Variants in CA10 observed in about 807,000 individuals in gnomAD.
CA10 encodes carbonic anhydrase 10 (inactive), also known as carbonic anhydrase-related protein 10.
CA10 carries 14 observed loss-of-function variants against 44.2 expected under a neutral mutation model. That is an observed-to-expected ratio of 0.32 (90% CI 0.21 to 0.50). CA10 has a LOEUF of 0.50. Among genes scored for constraint, CA10 ranks in the 20% least tolerant of loss-of-function variants. The pLI is 0.99. For synonymous variants in CA10, 159 were observed against 141.6 expected, an observed-to-expected ratio of 1.12 and a Z score of -0.87; for missense variants, 350 against 409.7, an observed-to-expected ratio of 0.85 and a Z score of 1.26.
intron 2 of CA10, among the ~76,000 whole-genome samples, chr17:52,024,238 G>A (rs928274185): frequency 2.6e-5 from 4 of 152,024 alleles, no homozygotes; most frequent in Non-Finnish European, 4.4e-5. Flanking sequence ...GAACATCCCC[G>A]TTTGAGGTGA....
In CA10 at chr17:51,630,608, C is replaced by G. The variant is rs918979376; in HGVS notation, c.*976G>C. ...GCCATGGAGTGGAATTAAAGTCATA[C>G]TTGCTTAGCAAATGCATTCCTGATT... On this transcript the variant is annotated 3_prime_UTR_variant, in exon 9 of 9. Transcript: ENST00000451037. 1.1e-4 allele frequency: 17 copies of G among 152,750 alleles called. No homozygotes were observed. Among genetic ancestry groups the G allele is most frequent in the African/African-American group, 3.8e-4 (16 of 41,588 alleles). 9.5% of individuals were successfully genotyped at this position (152,750 alleles called of 1,614,324 possible). A position where few individuals can be genotyped will look rare whatever the true frequency, so the allele number is the denominator to read the frequency against.
intron 4 of CA10, among the ~76,000 whole-genome samples, chr17:51,709,052 C>T (rs1283045658): frequency 6.6e-6 from 1 of 152,234 alleles, no homozygotes; most frequent in Non-Finnish European, 1.5e-5. Context: ...CATATATACA[C>T]CTATCCTATT....
At chr17:52,081,326 A>G (rs573353977) in intron 1 of CA10, among the ~76,000 whole-genome samples, 5 of 152,312 alleles carry the variant, frequency 3.3e-5, no homozygotes, top group African/African-American at 9.6e-5. Context: ...AAAGACTGAA[A>G]GTTGGCAGAA....
At chr17:51,700,205 T>G (rs1915545753) in intron 4 of CA10, among the ~76,000 whole-genome samples, 1 of 152,214 alleles carries the variant, frequency 6.6e-6, no homozygotes, top group African/African-American at 2.4e-5. Flanking sequence ...TTAGCCGGGT[T>G]GCTGCAGTGG....
chr17:52,153,242 A>G (rs1774603346), intron 1 of CA10, among the ~76,000 whole-genome samples: 1 of 152,204 alleles, frequency 6.6e-6, no homozygotes, highest in African/African-American at 2.4e-5. Flanking sequence ...TAACTGGGCT[A>G]TATGACATCA....
intron 3 of CA10, among the ~76,000 whole-genome samples, chr17:51,801,098 TTCAAGCATCTTCTCTC>T (rs1906908028): frequency 6.6e-6 from 1 of 152,206 alleles, no homozygotes; most frequent in African/African-American, 2.4e-5. Context: ...TCCCAAACCC[TTCAAGCATCTTCTCTC>T]TCTCCTATGA....
At chr17:51,728,273 T>C (rs1442304324) in intron 4 of CA10, among the ~76,000 whole-genome samples, 3 of 152,152 alleles carry the variant, frequency 2.0e-5, no homozygotes, top group Non-Finnish European at 4.4e-5. Context: ...CTTTCATCCA[T>C]CTTCCCTTAA....
At chr17:51,959,960 C>T (rs1983825385) in intron 2 of CA10, among the ~76,000 whole-genome samples, 1 of 151,744 alleles carries the variant, frequency 6.6e-6, no homozygotes, top group South Asian at 2.1e-4. Context: ...CATCAATCCC[C>T]AAGGTGACCC....
intron 2 of CA10, among the ~76,000 whole-genome samples, chr17:52,051,060 G>A (rs772427920): frequency 2.7e-5 from 4 of 150,274 alleles, no homozygotes; most frequent in Non-Finnish European, 5.9e-5. Flanking sequence ...GGAGGGAGGG[G>A]AAAAATGAAG....
intron 4 of CA10, among the ~76,000 whole-genome samples, chr17:51,690,218 G>A (rs968271743): frequency 2.2e-4 from 33 of 152,296 alleles, no homozygotes; most frequent in African/African-American, 7.9e-4. Flanking sequence ...AAAGTGCTGG[G>A]ATTACAGGCG....
intron 3 of CA10, among the ~76,000 whole-genome samples, chr17:51,804,598 A>G (rs966484072): frequency 1.3e-5 from 2 of 152,178 alleles, no homozygotes; most frequent in Non-Finnish European, 2.9e-5. Flanking sequence ...GTCTTCACTA[A>G]GACTCTGCCT....
chr17:51,727,060 C>T lies in CA10; in HGVS notation c.465+20573G>A, dbSNP rs574567743. On this transcript the variant is annotated intron_variant, in intron 4 of 8. Coordinates refer to ENST00000451037, the MANE Select transcript of CA10 (RefSeq NM_020178.5). ...CCTTGTCTCAATGCCACCCACTCTT[C>T]AGCTATTTGCTAAACCTCTTCATCT... Among the ~76,000 whole-genome samples the T allele has an allele frequency of 5.3e-5, 8 of 152,294 alleles. No homozygotes were observed. The East Asian group carries it at 1.5e-3, about 29-fold the overall frequency.
intron 2 of CA10, among the ~76,000 whole-genome samples, chr17:52,004,047 A>C (rs1985519755): frequency 6.6e-6 from 1 of 151,924 alleles, no homozygotes; most frequent in Non-Finnish European, 1.5e-5. Context: ...TCGTTACATT[A>C]ATACATCAAA....
chr17:52,123,352 T>C (rs2143323773), intron 1 of CA10, among the ~76,000 whole-genome samples: 1 of 139,350 alleles, frequency 7.2e-6, no homozygotes, highest in East Asian at 2.2e-4. Context: ...TGTGTGTGTG[T>C]ATGTGTGTAT....
At chr17:52,066,815 A>C (rs567882929) in intron 2 of CA10, among the ~76,000 whole-genome samples, 424 of 152,334 alleles carry the variant, frequency 2.8e-3, no homozygotes, top group Non-Finnish European at 4.5e-3. Flanking sequence ...TCCACCCCAG[A>C]GATCTGTGGA....
At chr17:52,042,734 C>A (rs1175345628) in intron 2 of CA10, among the ~76,000 whole-genome samples, 3 of 149,726 alleles carry the variant, frequency 2.0e-5, no homozygotes, top group Non-Finnish European at 3.0e-5. Context: ...TTTCAAATGT[C>A]ACATTTAAAT....
chr17:52,107,746 C>T (rs188002148), intron 1 of CA10, among the ~76,000 whole-genome samples: 1 of 152,268 alleles, frequency 6.6e-6, no homozygotes, highest in Admixed American at 6.5e-5. Flanking sequence ...GCAATGTGAT[C>T]GGCAACCTTT....
chr17:52,055,994 G>T (rs1219739830), intron 2 of CA10, among the ~76,000 whole-genome samples: 2 of 152,102 alleles, frequency 1.3e-5, no homozygotes, highest in Non-Finnish European at 2.9e-5. Context: ...TAACTGGGAA[G>T]TGACTGGAAC....
Position 51,631,177 on chromosome 17 carries a change from AG to A in CA10, c.*406del. 1 of 188,580 alleles carries A rather than the reference AG, an allele frequency of 5.3e-6. No individual in the cohort carries two copies. The highest frequency in any genetic ancestry group is 1.1e-5 in the Non-Finnish European group (1 of 90,536). The allele number at this position is 188,580 out of a possible 1,614,324, so 11.7% of individuals were successfully genotyped here. On this transcript the variant is annotated 3_prime_UTR_variant, in exon 9 of 9. Coordinates refer to ENST00000451037, the MANE Select transcript of CA10 (RefSeq NM_020178.5). ...TTTTGGAAGAATTTTGTATGTACAA[AG>A]GCTGAAAAGTCTCATTGGGTAGATT... is the stretch of plus-strand genomic sequence containing the variant.
Sources: allele counts gnomAD v4.1 joint callset (sites outside exome capture counted in the v4.1 genomes callset), GRCh38; gene constraint gnomAD v4.1.1; transcripts MANE v1.5; gene names NCBI Gene and HGNC (gene_info 2026-07-23, HGNC 2026-07-21).